The following SEC14L1 variants were observed in gnomAD, a reference collection of about 807,000 sequenced individuals.
The protein encoded by SEC14L1 is SEC14 like lipid binding 1.
SEC14L1 carries 48 observed loss-of-function variants against 85.3 expected under a neutral mutation model. That is an observed-to-expected ratio of 0.56 (90% CI 0.45 to 0.72). The LOEUF is 0.72. Ranked by LOEUF, SEC14L1 falls within the 30% of genes least tolerant of loss-of-function variation. The pLI is 0.00. For missense variants in SEC14L1, 682 were observed against 921.4 expected (o/e 0.74, Z 3.36); for synonymous variants, 391 against 355.5 (o/e 1.10, Z -1.12).
At chr17:77,138,632 CAAACAAAA>C (rs1972863114), upstream of SEC14L1, among the ~76,000 whole-genome samples, 2 of 151,674 alleles carry the variant, frequency 1.3e-5, no homozygotes, top group African/African-American at 4.8e-5. Flanking sequence ...AACAAACAAA[CAAACAAAA>C]AAACAAAAAA....
intron 3 of SEC14L1, among the ~76,000 whole-genome samples, chr17:77,107,197 T>G (rs1014782405): frequency 3.9e-5 from 6 of 152,096 alleles, no homozygotes; most frequent in Non-Finnish European, 7.4e-5. Flanking sequence ...AAAAACTCAC[T>G]TCCACTTCAG....
In SEC14L1 at chr17:77,214,841, G is replaced by A; in HGVS notation, c.*818G>A. ...ACCTGCAGTCAGCTCCCAGCCCAGTGTAGGCCATCTCCTCTGTGCCCTCTG... is the reference window on the plus strand; with the variant it reads ...ACCTGCAGTCAGCTCCCAGCCCAGTATAGGCCATCTCCTCTGTGCCCTCTG... On this transcript the variant is annotated 3_prime_UTR_variant, in exon 17 of 17. Coordinates refer to ENST00000436233, the MANE Select transcript of SEC14L1 (RefSeq NM_001143998.2). The A allele has an allele frequency of 1.0e-6, 1 of 985,528 alleles. No homozygotes were observed. The highest frequency in any genetic ancestry group is 1.2e-6 in the Non-Finnish European group (1 of 830,016). 61.0% of individuals were successfully genotyped at this position (985,528 alleles called of 1,614,324 possible). A position where few individuals can be genotyped will look rare whatever the true frequency, so the allele number is the denominator to read the frequency against.
chr17:77,123,408 C>A (rs934968522), intron 3 of SEC14L1, among the ~76,000 whole-genome samples: 12 of 29,732 alleles, frequency 4.0e-4, no homozygotes, highest in African/African-American at 2.7e-3. Flanking sequence ...GGGTCCCAGG[C>A]CCACTCTTTT....
At position 77,206,877 on chromosome 17, in the gene SEC14L1, G is replaced by A; in HGVS notation, c.1476+15G>A. 2 of 1,528,166 alleles carry A rather than the reference G, an allele frequency of 1.3e-6. No individual in the cohort carries two copies. Among genetic ancestry groups the A allele is most frequent in the Non-Finnish European group, 1.8e-6 (2 of 1,138,672 alleles). 94.7% of individuals were successfully genotyped at this position (1,528,166 alleles called of 1,614,324 possible). A position where few individuals can be genotyped will look rare whatever the true frequency, so the allele number is the denominator to read the frequency against. On this transcript the variant is annotated intron_variant, in intron 13 of 16. Coordinates refer to ENST00000436233, the MANE Select transcript of SEC14L1 (RefSeq NM_001143998.2). This position sits in a 1 kb window ranked among gnomAD's most constrained non-coding sequence, Gnocchi z 4.3. ...GGGAGTGCATGGTATGTCCTGAGGCGAGGAACTGCACATTTGGCCCCTTAT... is the reference window on the plus strand; with the variant it reads ...GGGAGTGCATGGTATGTCCTGAGGCAAGGAACTGCACATTTGGCCCCTTAT...
At chr17:77,101,710 C>T (rs1971781807) in intron 3 of SEC14L1, among the ~76,000 whole-genome samples, 1 of 152,160 alleles carries the variant, frequency 6.6e-6, no homozygotes, top group Non-Finnish European at 1.5e-5. Flanking sequence ...AGCTCCCAGG[C>T]CATGCTGATA....
chr17:77,166,192 T>C (rs1380291176), intron 3 of SEC14L1, among the ~76,000 whole-genome samples: 1 of 152,192 alleles, frequency 6.6e-6, no homozygotes, highest in Non-Finnish European at 1.5e-5. Flanking sequence ...CCTCCCACCT[T>C]GGCCTCTCAA....
chr17:77,174,062 G>A (rs1974641809), intron 3 of SEC14L1, among the ~76,000 whole-genome samples: 3 of 151,944 alleles, frequency 2.0e-5, no homozygotes, highest in Admixed American at 1.3e-4. Context: ...CACCACACCT[G>A]GCTAATTTTT....
At chr17:77,146,284 G>A (rs1452229785) in intron 3 of SEC14L1, among the ~76,000 whole-genome samples, 6 of 152,184 alleles carry the variant, frequency 3.9e-5, no homozygotes, top group Non-Finnish European at 7.3e-5. Context: ...GCAGGGTGGG[G>A]GATGTTCTCC....
chr17:77,107,684 C>T (rs1971945710), intron 3 of SEC14L1, among the ~76,000 whole-genome samples: 1 of 152,120 alleles, frequency 6.6e-6, no homozygotes, highest in Non-Finnish European at 1.5e-5. Context: ...TGGGGGATTC[C>T]CGGTGACGTA....
chr17:77,162,034 C>G (rs558860913), intron 3 of SEC14L1, among the ~76,000 whole-genome samples: 2 of 150,466 alleles, frequency 1.3e-5, no homozygotes, highest in South Asian at 4.2e-4. Context: ...ACCCAGAATT[C>G]TGCAGGTCGT....
intron 7 of SEC14L1, 77 bp downstream of exon 7, chr17:77,194,988 C>A: frequency 9.8e-7 from 1 of 1,024,958 alleles, no homozygotes; most frequent in Non-Finnish European, 1.5e-6. Flanking sequence ...GTTTGCTCTG[C>A]CTGTTCCCGC....
upstream of SEC14L1, among the ~76,000 whole-genome samples, chr17:77,140,093 T>G (rs960243618): frequency 6.6e-6 from 1 of 152,188 alleles, no homozygotes; most frequent in Admixed American, 6.5e-5. Flanking sequence ...AGCTTTGCTG[T>G]GTGGGTGGGC....
At chr17:77,159,957 G>A (rs1598321173) in intron 3 of SEC14L1, among the ~76,000 whole-genome samples, 1 of 152,112 alleles carries the variant, frequency 6.6e-6, no homozygotes, top group Admixed American at 6.5e-5. Flanking sequence ...CCTACCCCCT[G>A]TTAAGTGTTC....
chr17:77,099,686 G>T (rs1418436213), intron 3 of SEC14L1, among the ~76,000 whole-genome samples: 1 of 152,170 alleles, frequency 6.6e-6, no homozygotes, highest in Non-Finnish European at 1.5e-5. Flanking sequence ...AACGTGGGAG[G>T]TGGAGGTTGC....
chr17:77,151,099 T>A (rs1973536022), intron 3 of SEC14L1, among the ~76,000 whole-genome samples: 1 of 152,202 alleles, frequency 6.6e-6, no homozygotes, highest in Non-Finnish European at 1.5e-5. Context: ...AGCAGCCTAA[T>A]GTGCAGTAGA....
chr17:77,190,367 G>A (rs1284746565), intron 3 of SEC14L1, among the ~76,000 whole-genome samples: 1 of 152,082 alleles, frequency 6.6e-6, no homozygotes, highest in Non-Finnish European at 1.5e-5. Flanking sequence ...CCATAGATCT[G>A]TATGTCAGTT....
intron 13 of SEC14L1, among the ~76,000 whole-genome samples, chr17:77,208,324 C>T (rs944203586): frequency 2.0e-5 from 3 of 152,300 alleles, no homozygotes; most frequent in East Asian, 3.9e-4. Context: ...GGCTCAGGTT[C>T]GTAGAAACCT....
intron 1 of SEC14L1, among the ~76,000 whole-genome samples, chr17:77,142,339 C>T (rs1973093071): frequency 6.6e-6 from 1 of 152,066 alleles, no homozygotes; most frequent in Admixed American, 6.5e-5. Flanking sequence ...CTTTGGGAGG[C>T]TGAAGTGGGC....
Position 77,194,447 on chromosome 17 carries a change from G to C in SEC14L1, c.475-230G>C, listed in dbSNP as rs1238041062. ...GCATATACCTGTAGTCCCAGCTACTGGGGAGGCTGAGGTAGGATGGCTTGA... is the reference window on the plus strand; with the variant it reads ...GCATATACCTGTAGTCCCAGCTACTCGGGAGGCTGAGGTAGGATGGCTTGA... On this transcript the variant is annotated intron_variant, in intron 6 of 16. Transcript: ENST00000436233. Among the ~76,000 whole-genome samples the C allele has an allele frequency of 1.3e-5, 2 of 151,890 alleles. 1 individual carries two copies. Among genetic ancestry groups the C allele is most frequent in the Admixed American group, 1.3e-4 (2 of 15,256 alleles).
Sources: gnomAD v4.1 joint callset for allele counts (sites outside exome capture counted in the v4.1 genomes callset) on GRCh38, gnomAD v4.1.1 for gene constraint, Gnocchi (gnomAD v3.1) non-coding constraint, MANE v1.5 for transcripts, NCBI Gene and HGNC (gene_info 2026-07-23, HGNC 2026-07-21) for gene names.